Variants in ANKHD1 observed in about 807,000 individuals in gnomAD.
The protein encoded by ANKHD1 is ankyrin repeat and KH domain containing 1, also known as ankyrin repeat and KH domain-containing protein 1.
A neutral mutation model predicts 230.5 loss-of-function variants in ANKHD1; 31 were observed. The observed-to-expected ratio is 0.13, with a 90% CI of 0.10 to 0.18. The LOEUF (loss-of-function observed/expected upper bound fraction) is 0.18. Among genes scored for constraint, ANKHD1 ranks in the 10% least tolerant of loss-of-function variants. The pLI is 1.00. For missense variants in ANKHD1, 2,256 were observed against 3,071.3 expected (o/e 0.73, Z 6.27); for synonymous variants, 1,074 against 1,117.6 (o/e 0.96, Z 0.78).
At chr5:140,498,793 A>C (rs1752148549) in intron 15 of ANKHD1, among the ~76,000 whole-genome samples, 2 of 152,008 alleles carry the variant, frequency 1.3e-5, no homozygotes, top group South Asian at 4.1e-4. Context: ...TAATGTTCCT[A>C]ATTAAGTGCA....
At position 140,527,584 on chromosome 5, in the gene ANKHD1, T is replaced by A. The variant is rs1437358410; in HGVS notation, c.5088-289T>A. Among the ~76,000 whole-genome samples, 1 of 152,200 alleles carries A rather than the reference T, an allele frequency of 6.6e-6. No individual in the cohort carries two copies. The highest frequency in any genetic ancestry group is 1.5e-5 in the Non-Finnish European group (1 of 68,032). Reference sequence around the variant, plus strand: ...TTGATGTGTAATATTTTGGGCAGATTTGAATGCTTATATTGTGAGTGATTT... The same window carrying A: ...TTGATGTGTAATATTTTGGGCAGATATGAATGCTTATATTGTGAGTGATTT... On this transcript the variant is annotated intron_variant, in intron 27 of 33. Coordinates refer to ENST00000360839, the MANE Select transcript of ANKHD1 (RefSeq NM_017747.3). This position sits in a 1 kb window ranked among gnomAD's most constrained non-coding sequence, Gnocchi z 4.5.
intron 16 of ANKHD1, 52 bp downstream of exon 16, chr5:140,505,018 G>T: frequency 6.2e-7 from 1 of 1,607,588 alleles, no homozygotes; most frequent in Non-Finnish European, 8.5e-7. Context: ...ATCTTCTTTG[G>T]AAAGGAAAAT....
chr5:140,459,971 C>A (rs1775585629), intron 9 of ANKHD1, among the ~76,000 whole-genome samples: 1 of 151,998 alleles, frequency 6.6e-6, no homozygotes, highest in Non-Finnish European at 1.5e-5. Context: ...GTGTAGTGAC[C>A]ATAAGGTATC....
intron 1 of ANKHD1, among the ~76,000 whole-genome samples, chr5:140,415,089 G>A (rs1461857524): frequency 1.3e-5 from 2 of 151,884 alleles, no homozygotes; most frequent in South Asian, 4.2e-4. Context: ...GCCATCTCCA[G>A]TGTCATGAAG....
chr5:140,441,336 G>A (rs1391480413), intron 5 of ANKHD1, among the ~76,000 whole-genome samples, 194 bp downstream of exon 5: 1 of 152,152 alleles, frequency 6.6e-6, no homozygotes, highest in East Asian at 1.9e-4. Flanking sequence ...AGAGTCTCCT[G>A]TAGTCAAGAC....
chr5:140,511,067 C>T (rs904953099), intron 22 of ANKHD1, among the ~76,000 whole-genome samples: 2 of 152,194 alleles, frequency 1.3e-5, no homozygotes, highest in African/African-American at 4.8e-5. Flanking sequence ...CTCAGCGATT[C>T]TCCCACCTCT....
chr5:140,468,049 ATTCTTTTTTTTTTTTTTT>A (rs1561768853), intron 10 of ANKHD1, among the ~76,000 whole-genome samples: 1 of 92,792 alleles, frequency 1.1e-5, no homozygotes, highest in African/African-American at 4.7e-5. Context: ...AAGTGTACTA[ATTCTTTTTTTTTTTTTTT>A]TTTTTTTTTT....
chr5:140,486,848 G>C, intron 13 of ANKHD1, 110 bp from the exon 14 acceptor site: 1 of 1,101,978 alleles, frequency 9.1e-7, no homozygotes, highest in Non-Finnish European at 1.2e-6. Context: ...GGAAACAAAA[G>C]TGCATTTGGT....
chr5:140,419,037 C>CA (rs1392052719), intron 1 of ANKHD1, among the ~76,000 whole-genome samples: 1 of 152,202 alleles, frequency 6.6e-6, no homozygotes, highest in African/African-American at 2.4e-5. Flanking sequence ...GTCCTACTGC[C>CA]AATTCTCTGC....
At chr5:140,453,038 T>G (rs1337302033) in intron 7 of ANKHD1, among the ~76,000 whole-genome samples, 2 of 152,102 alleles carry the variant, frequency 1.3e-5, no homozygotes, top group African/African-American at 4.8e-5. Flanking sequence ...CTGATGGAGC[T>G]GAAGACCATG....
chr5:140,508,536 A>T (rs983367271), intron 20 of ANKHD1, among the ~76,000 whole-genome samples: 6 of 152,066 alleles, frequency 3.9e-5, no homozygotes, highest in Non-Finnish European at 5.9e-5. Flanking sequence ...GGTGAATCAC[A>T]TGAGGTCAGG....
intron 7 of ANKHD1, 75 bp downstream of exon 7, chr5:140,449,380 T>G: frequency 1.3e-6 from 2 of 1,507,658 alleles, no homozygotes; most frequent in Non-Finnish European, 1.8e-6. Flanking sequence ...TAAGAGTGAT[T>G]AATTGCCAGT....
At chr5:140,528,114 A>G in intron 28 of ANKHD1, 70 bp from the exon 29 acceptor site, 2 of 1,525,624 alleles carry the variant, frequency 1.3e-6, no homozygotes, top group Non-Finnish European at 1.8e-6. Context: ...ACTTTATTTG[A>G]TGGTTAAGAT....
In ANKHD1 at chr5:140,528,312, A is replaced by G. The variant is rs1196186101; in HGVS notation, c.5366A>G (p.His1789Arg). The G allele has an allele frequency of 6.2e-7, 1 of 1,614,116 alleles. No homozygotes were observed. The stretch of plus-strand genomic sequence containing the variant: ...ACACCTGCCAGCACCAAATCAATTC[A>G]TGCTAACTTCTCATCTGGAGTAGGT... Reference protein sequence around the residue: ...IRTPASTKSIHANFSSGVGTT... With the variant: ...IRTPASTKSIRANFSSGVGTT... Residue 1789 changes from histidine (H) to arginine (R), a missense_variant, in exon 29 of 34, where the codon CAT becomes CGT. His to Arg is a conservative substitution (Grantham distance 29). Around this residue, in one of 13 missense-constraint regions of ANKHD1, gnomAD observed 778 missense variants for 966.5 expected, o/e 0.80. Coordinates refer to ENST00000360839, the MANE Select transcript of ANKHD1 (RefSeq NM_017747.3).
At chr5:140,528,151 T>C in intron 28 of ANKHD1, 33 bp from the exon 29 acceptor site, 1 of 1,551,774 alleles carries the variant, frequency 6.4e-7, no homozygotes, top group Non-Finnish European at 8.7e-7. Flanking sequence ...TTTAATGTTT[T>C]TGGTCTTGTT....
At chr5:140,529,833 C>A in intron 29 of ANKHD1, 37 bp downstream of exon 29, 1 of 1,600,194 alleles carries the variant, frequency 6.2e-7, no homozygotes, top group Non-Finnish European at 8.5e-7. Context: ...GAGTTTGGAG[C>A]TCCTATGGCC....
In ANKHD1 at chr5:140,527,107, C is replaced by G. The variant is rs1581376504; in HGVS notation, c.5087+33C>G. 6.3e-7 allele frequency: 1 copy of G among 1,586,212 alleles called. No homozygotes were observed. The highest frequency in any genetic ancestry group is 1.4e-5 in the African/African-American group (1 of 73,710). ...GAATTAGTTCCATCTTTTTAGCTTT[C>G]ATATATTTTCCCTTTCTCATGTGAG... On this transcript the variant is annotated intron_variant, in intron 27 of 33. Coordinates refer to ENST00000360839, the MANE Select transcript of ANKHD1 (RefSeq NM_017747.3). The surrounding 1 kb of genome is among the most constrained non-coding windows in gnomAD (Gnocchi z 4.5).
intron 1 of ANKHD1, among the ~76,000 whole-genome samples, chr5:140,429,210 C>T (rs1422451499): frequency 1.3e-5 from 2 of 151,620 alleles, no homozygotes; most frequent in African/African-American, 4.9e-5. Flanking sequence ...TCTCCTGCCT[C>T]AGCCTCCCGA....
At chr5:140,419,850 C>CT (rs1214680247) in intron 1 of ANKHD1, among the ~76,000 whole-genome samples, 1 of 118,610 alleles carries the variant, frequency 8.4e-6, no homozygotes, top group East Asian at 2.3e-4. Context: ...CTTTCTCTTT[C>CT]TTTTTTTCTT....
Sources: gnomAD v4.1 joint callset for allele counts (sites outside exome capture counted in the v4.1 genomes callset) on GRCh38, gnomAD v4.1.1 for gene constraint, gnomAD v4.1.1 regional missense constraint, Gnocchi (gnomAD v3.1) non-coding constraint, MANE v1.5 for transcripts, NCBI Gene and HGNC (gene_info 2026-07-23, HGNC 2026-07-21) for gene names.